UPK1B: variants seen among roughly 807,000 people sequenced by gnomAD.
UPK1B encodes the protein uroplakin-1b.
A neutral mutation model predicts 34.2 loss-of-function variants in UPK1B; 28 were observed. The observed-to-expected ratio is 0.82, with a 90% CI of 0.61 to 1.12. The LOEUF (loss-of-function observed/expected upper bound fraction) is 1.12. Ranked by LOEUF, UPK1B falls within the 50% of genes most tolerant of loss-of-function variation. UPK1B has a pLI of 0.00. For missense variants in UPK1B, 325 were observed against 320.9 expected (o/e 1.01, Z -0.10); for synonymous variants, 81 against 110.4 (o/e 0.73, Z 1.67).
rs749185748 is a variant in UPK1B, at chr3:119,203,959, G to T, written c.775G>T (p.Glu259Ter). ...LGTMFYWSRI[E>*]Y Reference sequence around the variant, plus strand: ...TACCATGTTCTACTGGAGCAGAATTGAATATTAAGCATAAAGTGTTGCCAC... The same window carrying T: ...TACCATGTTCTACTGGAGCAGAATTTAATATTAAGCATAAAGTGTTGCCAC... Residue 259 changes from glutamate (E) to a stop codon, truncating the protein, a stop_gained, in exon 8 of 8, where the codon GAA becomes TAA. Transcript: ENST00000264234. LOFTEE classifies it high-confidence loss of function. The T allele has an allele frequency of 2.5e-6, 4 of 1,613,798 alleles. No individual in the cohort carries two copies. The highest frequency in any genetic ancestry group is 3.4e-6 in the Non-Finnish European group (4 of 1,180,016).
chr3:119,197,136 A>G (rs2078071171), intron 6 of UPK1B, among the ~76,000 whole-genome samples: 1 of 152,230 alleles, frequency 6.6e-6, no homozygotes, highest in Non-Finnish European at 1.5e-5. Context: ...TAACAAAATT[A>G]GGGAAGTCAC....
In UPK1B at chr3:119,173,627, A is replaced by C. The variant is rs2077938993; in HGVS notation, c.-40A>C. The stretch of plus-strand genomic sequence containing the variant: ...AGCGGGCCCTACCGTGTGCGCAGAA[A>C]GAGGAGGCGCTGTGAGTAGACCGCT... On this transcript the variant is annotated 5_prime_UTR_variant, in exon 1 of 8. Coordinates refer to ENST00000264234, the MANE Select transcript of UPK1B (RefSeq NM_006952.4). The C allele has an allele frequency of 6.6e-6, 1 of 152,268 alleles. No individual in the cohort carries two copies. Among genetic ancestry groups the C allele is most frequent in the African/African-American group, 2.4e-5 (1 of 41,462 alleles). 9.4% of individuals were successfully genotyped at this position (152,268 alleles called of 1,614,324 possible). A position where few individuals can be genotyped will look rare whatever the true frequency, so the allele number is the denominator to read the frequency against.
At chr3:119,195,509 A>C (rs1409004179) in intron 6 of UPK1B, among the ~76,000 whole-genome samples, 1 of 152,244 alleles carries the variant, frequency 6.6e-6, no homozygotes, top group African/African-American at 2.4e-5. Context: ...ATTTTGCAGC[A>C]GTGTCCAGAG....
At chr3:119,178,401 G>A (rs1001953246) in intron 1 of UPK1B, among the ~76,000 whole-genome samples, 8 of 152,230 alleles carry the variant, frequency 5.3e-5, no homozygotes, top group Non-Finnish European at 1.0e-4. Flanking sequence ...GGGAATGACC[G>A]AGGGCTCTCC....
At chr3:119,177,126 G>A (rs1303417324) in intron 1 of UPK1B, among the ~76,000 whole-genome samples, 2 of 152,206 alleles carry the variant, frequency 1.3e-5, no homozygotes, top group African/African-American at 4.8e-5. Context: ...AATCAGGAAT[G>A]AAGGAGTGAG....
chr3:119,196,189 T>C lies in UPK1B; in HGVS notation c.648+1791T>C, dbSNP rs914515641. On this transcript the variant is annotated intron_variant, in intron 6 of 7. Transcript: ENST00000264234. The stretch of plus-strand genomic sequence containing the variant: ...TCTGCTCCTTTGACATAATCTCTTA[T>C]CTATTAGTCCTTTCTGATTCTCCCT... 9.2e-5 allele frequency among the ~76,000 whole-genome samples: 14 copies of C among 152,160 alleles called. 1 individual carries two copies. The highest frequency in any genetic ancestry group is 2.4e-5 in the African/African-American group (1 of 41,416).
intron 7 of UPK1B, among the ~76,000 whole-genome samples, chr3:119,201,780 G>A (rs2078091714): frequency 6.6e-6 from 1 of 152,188 alleles, no homozygotes; most frequent in Non-Finnish European, 1.5e-5. Context: ...ACACCTCTAT[G>A]ATGGAACTTC....
chr3:119,179,893 C>G (rs1161027254), intron 1 of UPK1B, among the ~76,000 whole-genome samples: 1 of 130,772 alleles, frequency 7.6e-6, no homozygotes, highest in Admixed American at 9.2e-5. Context: ...CCGCCTCTCC[C>G]GTTCAAGCGA....
chr3:119,186,238 A>G (rs1195393730), intron 1 of UPK1B, among the ~76,000 whole-genome samples: 6 of 152,208 alleles, frequency 3.9e-5, no homozygotes, highest in Admixed American at 3.9e-4. Flanking sequence ...TTCTTTGAAG[A>G]TAATAAAAGA....
chr3:119,176,497 C>T (rs1453589898), intron 1 of UPK1B, among the ~76,000 whole-genome samples: 1 of 152,142 alleles, frequency 6.6e-6, no homozygotes, highest in African/African-American at 2.4e-5. Context: ...AAAAAATCTG[C>T]ACTCTTTAAA....
intron 2 of UPK1B, 27 bp from the exon 3 acceptor site, chr3:119,187,748 T>A: frequency 6.2e-7 from 1 of 1,609,154 alleles, no homozygotes; most frequent in Non-Finnish European, 8.5e-7. Context: ...GCACTCCTGA[T>A]GGAGCCCACC....
chr3:119,185,584 A>G (rs952254246), intron 1 of UPK1B, among the ~76,000 whole-genome samples: 2 of 151,628 alleles, frequency 1.3e-5, no homozygotes, highest in Admixed American at 6.6e-5. Flanking sequence ...ATTTCATCTC[A>G]CTACATGTAG....
At chr3:119,179,372 T>TATATAG (rs1553741660) in intron 1 of UPK1B, among the ~76,000 whole-genome samples, 1 of 89,970 alleles carries the variant, frequency 1.1e-5, no homozygotes, top group African/African-American at 4.5e-5. Context: ...TATATATATA[T>TATATAG]ATATATATAT....
intron 1 of UPK1B, among the ~76,000 whole-genome samples, chr3:119,184,255 T>C (rs1257133470): frequency 6.6e-6 from 1 of 152,208 alleles, no homozygotes; most frequent in Non-Finnish European, 1.5e-5. Context: ...AGTCTGTACG[T>C]CACGGGGCAT....
chr3:119,195,345 G>C (rs916221589), intron 6 of UPK1B, among the ~76,000 whole-genome samples: 6 of 152,218 alleles, frequency 3.9e-5, no homozygotes, highest in Non-Finnish European at 8.8e-5. Flanking sequence ...TTGTGTACCA[G>C]CTCATTAAAT....
intron 1 of UPK1B, among the ~76,000 whole-genome samples, chr3:119,180,083 T>C (rs1005248553): frequency 1.3e-5 from 2 of 148,886 alleles, no homozygotes; most frequent in East Asian, 2.0e-4. Flanking sequence ...CCCAAAGTGC[T>C]GGGATTACAG....
intron 5 of UPK1B, among the ~76,000 whole-genome samples, 182 bp downstream of exon 5, chr3:119,191,286 T>C (rs546047673): frequency 2.6e-5 from 4 of 152,202 alleles, no homozygotes; most frequent in African/African-American, 7.2e-5. Flanking sequence ...AACTCAGGTA[T>C]CATTTACATT....
In UPK1B at chr3:119,185,449, C is replaced by T. The variant is rs182664869; in HGVS notation, c.-28-1265C>T. Among the ~76,000 whole-genome samples the T allele has an allele frequency of 2.8e-3, 431 of 152,222 alleles. 8 individuals are homozygous for T. Among genetic ancestry groups the T allele is most frequent in the Non-Finnish European group, 1.0e-3 (70 of 68,004 alleles). On this transcript the variant is annotated intron_variant, in intron 1 of 7. Coordinates refer to ENST00000264234, the MANE Select transcript of UPK1B (RefSeq NM_006952.4). ...TTCTGTCTCTACTCCCTAACTTTTC[C>T]TTTCTCTTTACCTGGAATGTCACCC...
intron 6 of UPK1B, among the ~76,000 whole-genome samples, chr3:119,198,168 AG>A (rs1289318109): frequency 6.6e-6 from 1 of 151,634 alleles, no homozygotes; most frequent in Non-Finnish European, 1.5e-5. Flanking sequence ...AATTAGGCAC[AG>A]GGCCTTGAAA....
Sources: allele counts gnomAD v4.1 joint callset (sites outside exome capture counted in the v4.1 genomes callset), GRCh38; gene constraint gnomAD v4.1.1; transcripts MANE v1.5; gene names NCBI Gene and HGNC (gene_info 2026-07-23, HGNC 2026-07-21).